Variants in ZNF653 observed in about 807,000 individuals in gnomAD.
ZNF653 encodes 67 kDa zinc finger protein.
ZNF653 carries 37 observed loss-of-function variants against 59.9 expected under a neutral mutation model. The observed-to-expected ratio is 0.62, with a 90% CI of 0.48 to 0.81. The LOEUF (loss-of-function observed/expected upper bound fraction) is 0.81. ZNF653 is among the 40% of genes least tolerant of loss of function. The pLI is 0.00. For synonymous variants in ZNF653, 435 were observed against 371.8 expected, an observed-to-expected ratio of 1.17 and a Z score of -1.96; for missense variants, 808 against 881.1, an observed-to-expected ratio of 0.92 and a Z score of 1.05.
rs1313465017 is a variant in ZNF653 at position 11,495,750 on chromosome 19, C to G, written c.559+200G>C. ...GCTCCATAAAGAGGGACTGCCTCCCCACTCAAGCTCTGTAAGGACGCAAAG... is the reference window on the plus strand; with the variant it reads ...GCTCCATAAAGAGGGACTGCCTCCCGACTCAAGCTCTGTAAGGACGCAAAG... On this transcript the variant is annotated intron_variant, in intron 3 of 8. Transcript: ENST00000293771. This position sits in a 1 kb window ranked among gnomAD's most constrained non-coding sequence, Gnocchi z 4.9. 3.4e-6 allele frequency: 2 copies of G among 596,514 alleles called. No homozygotes were observed. The highest frequency in any genetic ancestry group is 5.9e-6 in the Non-Finnish European group (2 of 337,192). 37.0% of individuals were successfully genotyped at this position (596,514 alleles called of 1,614,324 possible).
chr19:11,495,723 C>G lies in ZNF653; in HGVS notation c.559+227G>C. 1 of 552,312 alleles carries G rather than the reference C, an allele frequency of 1.8e-6. No homozygotes were observed. The allele number at this position is 552,312 out of a possible 1,614,324, so 34.2% of individuals were successfully genotyped here. On this transcript the variant is annotated intron_variant, in intron 3 of 8. Coordinates refer to ENST00000293771, the MANE Select transcript of ZNF653 (RefSeq NM_138783.4). The surrounding 1 kb of genome is among the most constrained non-coding windows in gnomAD (Gnocchi z 4.9). ...CTGGCCTTGGGCACAGATTGGCAAA[C>G]TGCTCCATAAAGAGGGACTGCCTCC... is the stretch of plus-strand genomic sequence containing the variant.
At chr19:11,494,320 T>C (rs1259502311) in intron 3 of ZNF653, among the ~76,000 whole-genome samples, 1 of 140,716 alleles carries the variant, frequency 7.1e-6, no homozygotes, top group African/African-American at 2.6e-5. Context: ...AGAATCTGTC[T>C]CAAAAAGATA....
intron 3 of ZNF653, among the ~76,000 whole-genome samples, chr19:11,488,151 C>CT (rs954471599): frequency 0.018 from 2,121 of 115,024 alleles, 56 homozygotes; most frequent in African/African-American, 0.045. Context: ...CCACACCTGG[C>CT]TTTTTTTTTT....
At chr19:11,485,872 T>C in intron 6 of ZNF653, 102 bp from the exon 7 acceptor site, 1 of 871,630 alleles carries the variant, frequency 1.1e-6, no homozygotes, top group Non-Finnish European at 1.9e-6. Context: ...GGGGCTGGCC[T>C]CCCCAGGAGG....
intron 1 of ZNF653, among the ~76,000 whole-genome samples, chr19:11,499,762 A>AT (rs1971625268): frequency 6.6e-6 from 1 of 151,624 alleles, no homozygotes; most frequent in Non-Finnish European, 1.5e-5. Context: ...AAATACAGAA[A>AT]TTACCCAGGC....
In ZNF653 at chr19:11,505,368, G is replaced by A. The variant is rs1048064393; in HGVS notation, c.299+120C>T. 3 of 1,094,196 alleles carry A rather than the reference G, an allele frequency of 2.7e-6. No individual in the cohort carries two copies. In the African/African-American group the frequency reaches 5.0e-5, roughly 18 times the overall value. 67.8% of individuals were successfully genotyped at this position (1,094,196 alleles called of 1,614,324 possible). On this transcript the variant is annotated intron_variant, in intron 1 of 8. Transcript: ENST00000293771. ...GTACGAGACCCAGGCCGCCGGCCCG[G>A]CTCCTGGGCGGGGTCCGCAGGTGCC...
chr19:11,489,908 C>A (rs577448558), intron 3 of ZNF653, among the ~76,000 whole-genome samples: 16 of 152,330 alleles, frequency 1.1e-4, no homozygotes, highest in Non-Finnish European at 2.1e-4. Context: ...CTCACCTTAC[C>A]CCCAGGCTTG....
chr19:11,496,102 C>T lies in ZNF653; in HGVS notation c.407G>A (p.Arg136His), dbSNP rs1415766801. The change falls in exon 3 of 9, where the codon CGC (arginine) becomes CAC (histidine). Residue 136 changes from arginine (R) to histidine (H), a missense_variant. Coordinates refer to ENST00000293771, the MANE Select transcript of ZNF653 (RefSeq NM_138783.4). ...VVIWYEDHKHRCPYEPHLAEL... is the reference protein window; with the variant it reads ...VVIWYEDHKHHCPYEPHLAEL... ...CGCCAGGTGCGGCTCGTACGGGCAG[C>T]GGTGCTTGTGGTCCTCGTACCAGAT... 8 of 1,614,008 alleles carry T rather than the reference C, an allele frequency of 5.0e-6. No individual in the cohort carries two copies. Among genetic ancestry groups the T allele is most frequent in the South Asian group, 2.2e-5 (2 of 91,080 alleles).
chr19:11,492,736 C>T (rs1003981289), intron 3 of ZNF653, among the ~76,000 whole-genome samples: 1 of 152,160 alleles, frequency 6.6e-6, no homozygotes, highest in Non-Finnish European at 1.5e-5. Context: ...CGGTGCAGAG[C>T]CCCCAGTGCC....
At chr19:11,488,475 G>A (rs748395340) in intron 3 of ZNF653, among the ~76,000 whole-genome samples, 3 of 151,598 alleles carry the variant, frequency 2.0e-5, no homozygotes, top group South Asian at 2.1e-4. Context: ...TAGTAGAGAC[G>A]GGGTTTCATC....
chr19:11,503,873 G>A (rs1445340336), intron 1 of ZNF653, among the ~76,000 whole-genome samples: 1 of 152,084 alleles, frequency 6.6e-6, no homozygotes, highest in African/African-American at 2.4e-5. Context: ...AGAGGCTGAG[G>A]CCGGAGAATC....
chr19:11,497,152 GCTGT>G (rs1462331889), intron 2 of ZNF653, among the ~76,000 whole-genome samples: 4 of 152,198 alleles, frequency 2.6e-5, no homozygotes, highest in Non-Finnish European at 4.4e-5. Context: ...CCTTAACTTT[GCTGT>G]CTGTTTTCTC....
At chr19:11,485,515 G>A in intron 7 of ZNF653, 141 bp downstream of exon 7, 1 of 627,320 alleles carries the variant, frequency 1.6e-6, no homozygotes, top group Non-Finnish European at 2.8e-6. Flanking sequence ...AGCTTACTGA[G>A]GACAGGGAGG....
chr19:11,487,195 G>A lies in ZNF653; in HGVS notation c.1172-37C>T, dbSNP rs780086186. ...ACACAGGGTGGTGTCCGCAGGGGAC[G>A]AAGGCTGCCGAGGTGCCCACTTCGA... On this transcript the variant is annotated intron_variant, in intron 4 of 8. Coordinates refer to ENST00000293771, the MANE Select transcript of ZNF653 (RefSeq NM_138783.4). This position sits in a 1 kb window ranked among gnomAD's most constrained non-coding sequence, Gnocchi z 5.1. The A allele has an allele frequency of 1.0e-5, 16 of 1,605,344 alleles. No individual in the cohort carries two copies. In the East Asian group the frequency reaches 1.8e-4, roughly 18 times the overall value.
intron 1 of ZNF653, among the ~76,000 whole-genome samples, chr19:11,503,929 CCT>C (rs932592619): frequency 2.0e-5 from 3 of 151,998 alleles, no homozygotes; most frequent in Admixed American, 2.0e-4. Flanking sequence ...CACAGGGAAA[CCT>C]CTGTCTCTAC....
chr19:11,505,321 C>A, intron 1 of ZNF653, 167 bp downstream of exon 1: 2 of 660,810 alleles, frequency 3.0e-6, no homozygotes, highest in Middle Eastern at 4.4e-4. Flanking sequence ...GGGCCACGAG[C>A]CAGGCGCGTC....
In ZNF653 at chr19:11,496,102, C is replaced by A. The variant is rs1415766801; in HGVS notation, c.407G>T (p.Arg136Leu). The A allele has an allele frequency of 6.2e-7, 1 of 1,614,008 alleles. No individual in the cohort carries two copies. The highest frequency in any genetic ancestry group is 1.7e-5 in the Admixed American group (1 of 60,028). The change falls in exon 3 of 9, where the codon CGC becomes CTC. Residue 136 changes from arginine to leucine, a missense_variant. Coordinates refer to ENST00000293771, the MANE Select transcript of ZNF653 (RefSeq NM_138783.4). ...VVIWYEDHKH[R>L]CPYEPHLAEL... ...CGCCAGGTGCGGCTCGTACGGGCAG[C>A]GGTGCTTGTGGTCCTCGTACCAGAT... is the stretch of plus-strand genomic sequence containing the variant.
chr19:11,485,593 C>G, intron 7 of ZNF653, 63 bp downstream of exon 7: 3 of 1,402,522 alleles, frequency 2.1e-6, no homozygotes, highest in Non-Finnish European at 3.0e-6. Context: ...AGCTCTGGCC[C>G]AGGCTCCCAG....
chr19:11,483,566 G>A lies in ZNF653; in HGVS notation c.*116C>T, dbSNP rs774191303. 1.3e-5 allele frequency: 18 copies of A among 1,439,282 alleles called. No homozygotes were observed. The highest frequency in any genetic ancestry group is 4.4e-5 in the South Asian group (3 of 68,920). 89.2% of individuals were successfully genotyped at this position (1,439,282 alleles called of 1,614,324 possible). ...GGGGCCCAGCTCTGGGGCGGGGCGG[G>A]GGCGCCTCCTTCCGGCCCGCGGTCC... On this transcript the variant is annotated 3_prime_UTR_variant, in exon 9 of 9. Transcript: ENST00000293771.
Sources: gnomAD v4.1 joint callset for allele counts (sites outside exome capture counted in the v4.1 genomes callset) on GRCh38, gnomAD v4.1.1 for gene constraint, Gnocchi (gnomAD v3.1) non-coding constraint, MANE v1.5 for transcripts, NCBI Gene and HGNC (gene_info 2026-07-23, HGNC 2026-07-21) for gene names.